Variants in INTS8 observed in about 807,000 individuals in gnomAD.
The protein encoded by INTS8 is protein kaonashi-1.
Under a neutral mutation model 138.9 loss-of-function variants are expected in INTS8, and 47 were observed. That is an observed-to-expected ratio of 0.34 (90% CI 0.27 to 0.43). The LOEUF (loss-of-function observed/expected upper bound fraction) is 0.43. Among genes scored for constraint, INTS8 ranks in the 20% least tolerant of loss-of-function variants. INTS8 has a pLI of 1.00. For missense variants in INTS8, 996 were observed against 1,173.0 expected, an observed-to-expected ratio of 0.85 and a Z score of 2.20; for synonymous variants, 392 against 400.9, an observed-to-expected ratio of 0.98 and a Z score of 0.27.
intron 5 of INTS8, among the ~76,000 whole-genome samples, chr8:94,829,571 T>C (rs1814637306): frequency 6.6e-6 from 1 of 152,192 alleles, no homozygotes; most frequent in Admixed American, 6.5e-5. Context: ...TGGTTCCTGG[T>C]ACCAGTCCAT....
chr8:94,875,740 G>T (rs1239600644), intron 23 of INTS8, among the ~76,000 whole-genome samples: 1 of 152,116 alleles, frequency 6.6e-6, no homozygotes, highest in Non-Finnish European at 1.5e-5. Context: ...ATACTTGCCA[G>T]CTATGAAAGG....
chr8:94,836,601 AT>A lies in INTS8; in HGVS notation c.837del (p.Phe279LeufsTer6). ...CTGTCTATGAAAATGCCAGGGAAAA[AT>A]TTTTTAGAACCAAAGAACTAATTGC... is the stretch of plus-strand genomic sequence containing the variant. ...SAVYENAREK[F>X]FRTKELIAEI... On this transcript the variant is annotated frameshift_variant, in exon 7 of 27. Transcript: ENST00000523731. LOFTEE classifies it high-confidence loss of function. 6.2e-7 allele frequency: 1 copy of A among 1,613,484 alleles called. No individual in the cohort carries two copies.
intron 26 of INTS8, among the ~76,000 whole-genome samples, chr8:94,878,885 T>G (rs6987256): frequency 0.72 from 109,229 of 151,980 alleles, 39,369 homozygotes; most frequent in Middle Eastern, 0.83. Flanking sequence ...ATTGGATTAC[T>G]TTCTCTATTT....
At chr8:94,838,168 C>CA (rs1815002675) in intron 7 of INTS8, among the ~76,000 whole-genome samples, 1 of 151,888 alleles carries the variant, frequency 6.6e-6, no homozygotes, top group Admixed American at 6.6e-5. Flanking sequence ...TCTCCTACCT[C>CA]AGCCTCCCGA....
chr8:94,856,389 G>A (rs767028518), intron 14 of INTS8, among the ~76,000 whole-genome samples: 7 of 152,114 alleles, frequency 4.6e-5, no homozygotes, highest in Non-Finnish European at 8.8e-5. Context: ...CGTCTAGTAC[G>A]GTGGTGTGCA....
intron 22 of INTS8, 72 bp downstream of exon 22, chr8:94,873,549 G>A: frequency 1.1e-6 from 1 of 900,324 alleles, no homozygotes; most frequent in African/African-American, 1.7e-5. Flanking sequence ...CCTTTTGGCT[G>A]AACTTACCCA....
At chr8:94,860,081 A>G (rs1476148004) in intron 16 of INTS8, 1 of 153,186 alleles carries the variant, frequency 6.5e-6, no homozygotes, top group African/African-American at 2.4e-5. Flanking sequence ...TCCCCTAGTG[A>G]AAGAATTTAT....
At chr8:94,823,603 C>A in intron 1 of INTS8, 42 bp downstream of exon 1, 1 of 1,442,814 alleles carries the variant, frequency 6.9e-7, no homozygotes, top group Non-Finnish European at 9.4e-7. Flanking sequence ...ACCCGGCCAC[C>A]GGCGCTGTCC....
chr8:94,876,193 TAAG>T, intron 24 of INTS8, 25 bp from the exon 25 acceptor site: 1 of 1,607,266 alleles, frequency 6.2e-7, no homozygotes, highest in South Asian at 1.1e-5. Flanking sequence ...TTTTTCTGCT[TAAG>T]AAGTAACTGA....
In INTS8 at chr8:94,836,604, T is replaced by G; in HGVS notation, c.834T>G (p.Phe278Leu). The G allele has an allele frequency of 6.2e-7, 1 of 1,613,240 alleles. No individual in the cohort carries two copies. The highest frequency in any genetic ancestry group is 8.5e-7 in the Non-Finnish European group (1 of 1,179,248). Reference protein sequence around the residue: ...SAVYENAREKFFRTKELIAEI... With the variant: ...SAVYENAREKLFRTKELIAEI... ...TCTATGAAAATGCCAGGGAAAAATTTTTTAGAACCAAAGAACTAATTGCAG... is the reference window on the plus strand; with the variant it reads ...TCTATGAAAATGCCAGGGAAAAATTGTTTAGAACCAAAGAACTAATTGCAG... Residue 278 changes from phenylalanine (F) to leucine (L), a missense_variant, in exon 7 of 27, where the codon TTT (phenylalanine) becomes TTG (leucine). Transcript: ENST00000523731.
intron 9 of INTS8, 35 bp downstream of exon 9, chr8:94,841,626 A>G (rs750270955): frequency 1.8e-6 from 2 of 1,097,714 alleles, no homozygotes; most frequent in East Asian, 2.4e-5. Context: ...TTGATTTTTG[A>G]ATAAAACAGC....
At chr8:94,861,064 A>C (rs1304216329) in intron 16 of INTS8, among the ~76,000 whole-genome samples, 10 of 146,840 alleles carry the variant, frequency 6.8e-5, no homozygotes, top group African/African-American at 2.2e-4. Flanking sequence ...CTCAAAAAAA[A>C]AAAAAAAAAA....
At chr8:94,877,504 G>A (rs763987046) in intron 26 of INTS8, among the ~76,000 whole-genome samples, 1 of 152,078 alleles carries the variant, frequency 6.6e-6, no homozygotes, top group Non-Finnish European at 1.5e-5. Flanking sequence ...AATTTTCCTA[G>A]CTCCTTTTTG....
In INTS8 at chr8:94,870,145, G is replaced by A. The variant is rs562792406; in HGVS notation, c.2415-1739G>A. ...TGGCTCACTGCAAGCTCTGCCTCCC[G>A]GGTTCACGCCATTCTCCTGCCTCAG... On this transcript the variant is annotated intron_variant, in intron 20 of 26. Transcript: ENST00000523731. Among the ~76,000 whole-genome samples, 191 of 151,680 alleles carry A rather than the reference G, an allele frequency of 1.3e-3. 2 individuals are homozygous for A. In the South Asian group the frequency reaches 0.019, roughly 15 times the overall value.
intron 10 of INTS8, among the ~76,000 whole-genome samples, chr8:94,846,275 ATT>A (rs1815329840): frequency 6.6e-6 from 1 of 151,650 alleles, no homozygotes; most frequent in African/African-American, 2.4e-5. Context: ...TTTTTGATTT[ATT>A]TTTACTTTTT....
chr8:94,823,525 T>A lies in INTS8; in HGVS notation c.94T>A (p.Ser32Thr). 1 of 1,577,228 alleles carries A rather than the reference T, an allele frequency of 6.3e-7. No homozygotes were observed. The highest frequency in any genetic ancestry group is 8.6e-7 in the Non-Finnish European group (1 of 1,162,186). ...CTGGTTTGAGTTTCTGCTGGAGGAG[T>A]CACTGTTGGAGAAACATCTGCGCAA... is the stretch of plus-strand genomic sequence containing the variant. ...TCWFEFLLEE[S>T]LLEKHLRKPC... The change falls in exon 1 of 27, where the codon TCA becomes ACA. Residue 32 changes from serine (S) to threonine (T), a missense_variant. Ser to Thr is a moderately conservative substitution (Grantham distance 58). Transcript: ENST00000523731.
intron 2 of INTS8, among the ~76,000 whole-genome samples, chr8:94,826,497 A>G (rs752188381): frequency 6.6e-6 from 1 of 152,230 alleles, no homozygotes; most frequent in Non-Finnish European, 1.5e-5. Context: ...AGAGACATCA[A>G]CAGATAGCAA....
Position 94,865,581 on chromosome 8 carries a change from T to G in INTS8, c.2152T>G (p.Trp718Gly), listed in dbSNP as rs1816151218. The change falls in exon 17 of 27, where the codon TGG (tryptophan) becomes GGG (glycine). Residue 718 changes from tryptophan to glycine, a missense_variant. By Grantham distance (184) the Trp-to-Gly change is radical. Transcript: ENST00000523731. ...KESRRTAKDL[W>G]EVVVQICSVS... ...AAGTAGACGGACTGCCAAAGACCTTTGGGAAGTTGTTGTTCAAATCTGTAG... is the reference window on the plus strand; with the variant it reads ...AAGTAGACGGACTGCCAAAGACCTTGGGGAAGTTGTTGTTCAAATCTGTAG... 3 of 1,614,134 alleles carry G rather than the reference T, an allele frequency of 1.9e-6. No individual in the cohort carries two copies. Among genetic ancestry groups the G allele is most frequent in the Non-Finnish European group, 2.5e-6 (3 of 1,179,970 alleles).
Position 94,880,454 on chromosome 8 carries a change from C to G in INTS8, c.*220C>G, listed in dbSNP as rs541534802. The stretch of plus-strand genomic sequence containing the variant: ...TCAAAGGGAGAAGAGATTCACATAT[C>G]TGATAACAAAATAAACTAGCAATCT... On this transcript the variant is annotated 3_prime_UTR_variant, in exon 27 of 27. Coordinates refer to ENST00000523731, the MANE Select transcript of INTS8 (RefSeq NM_017864.4). 1 of 328,452 alleles carries G rather than the reference C, an allele frequency of 3.0e-6. No homozygotes were observed. The highest frequency in any genetic ancestry group is 2.1e-5 in the African/African-American group (1 of 47,242). The allele number at this position is 328,452 out of a possible 1,614,324, so 20.3% of individuals were successfully genotyped here.
Sources: gnomAD v4.1 joint callset for allele counts (sites outside exome capture counted in the v4.1 genomes callset) on GRCh38, gnomAD v4.1.1 for gene constraint, MANE v1.5 for transcripts, NCBI Gene and HGNC (gene_info 2026-07-23, HGNC 2026-07-21) for gene names.